NTRK2: variants seen among roughly 807,000 people sequenced by gnomAD.
The protein encoded by NTRK2 is BDNF/NT-3 growth factors receptor.
A neutral mutation model predicts 94.5 loss-of-function variants in NTRK2; 13 were observed. The observed-to-expected ratio is 0.14, with a 90% confidence interval of 0.09 to 0.22. NTRK2 has a LOEUF of 0.22. Ranked by LOEUF, NTRK2 falls within the 10% of genes least tolerant of loss-of-function variation. NTRK2 has a pLI of 1.00. For missense variants in NTRK2, 639 were observed against 1,071.2 expected (o/e 0.60, Z 5.63); for synonymous variants, 372 against 407.4 (o/e 0.91, Z 1.05).
At chr9:84,842,468 C>T (rs1371966618) in intron 12 of NTRK2, among the ~76,000 whole-genome samples, 1 of 152,192 alleles carries the variant, frequency 6.6e-6, no homozygotes, top group African/African-American at 2.4e-5. Context: ...TACTGATCTG[C>T]TTCAGGATTT....
intron 12 of NTRK2, among the ~76,000 whole-genome samples, chr9:84,845,400 G>A (rs2074418648): frequency 6.6e-6 from 1 of 152,088 alleles, no homozygotes; most frequent in Non-Finnish European, 1.5e-5. Flanking sequence ...TTCTTGGGTT[G>A]AATAAACCCA....
At chr9:84,981,678 T>A (rs1827643556) in intron 17 of NTRK2, among the ~76,000 whole-genome samples, 1 of 152,216 alleles carries the variant, frequency 6.6e-6, no homozygotes, top group African/African-American at 2.4e-5. Context: ...CCCCATTAAG[T>A]GGAAGAATTG....
At chr9:85,007,227 C>T (rs1588170681) in intron 17 of NTRK2, among the ~76,000 whole-genome samples, 1 of 152,312 alleles carries the variant, frequency 6.6e-6, no homozygotes, top group Non-Finnish European at 1.5e-5. Context: ...AAGTTAAGTC[C>T]TGTTGGACAA....
chr9:84,821,427 C>T (rs548029286), intron 12 of NTRK2, among the ~76,000 whole-genome samples: 1 of 152,236 alleles, frequency 6.6e-6, no homozygotes, highest in South Asian at 2.1e-4. Flanking sequence ...CACCATTTAC[C>T]ATTATCACCT....
chr9:84,870,102 TATATATATATATATATATA>T (rs1437564292), intron 14 of NTRK2, among the ~76,000 whole-genome samples: 2 of 73,934 alleles, frequency 2.7e-5, no homozygotes, highest in Admixed American at 1.6e-4. Flanking sequence ...ATTGACTATA[TATATATATATATATATATA>T]TATATACACA....
chr9:85,021,585 G>C lies in NTRK2; in HGVS notation c.*148G>C, dbSNP rs1588211093. On this transcript the variant is annotated 3_prime_UTR_variant, in exon 19 of 19. Coordinates refer to ENST00000277120, the MANE Select transcript of NTRK2 (RefSeq NM_006180.6). The stretch of plus-strand genomic sequence containing the variant: ...CAAAGACTCCGAGAAGCTCTCGAGG[G>C]AAGCAGTGTGTACTTCTTCATCCAT... 2 of 775,092 alleles carry C rather than the reference G, an allele frequency of 2.6e-6. No individual in the cohort carries two copies. The highest frequency in any genetic ancestry group is 2.9e-5 in the South Asian group (2 of 68,382). The allele number at this position is 775,092 out of a possible 1,614,324, so 48.0% of individuals were successfully genotyped here.
rs553296895 is a variant in NTRK2, at chr9:84,775,590, G to T, written c.1396+23505G>T. Among the ~76,000 whole-genome samples, 11 of 152,170 alleles carry T rather than the reference G, an allele frequency of 7.2e-5. No individual in the cohort carries two copies. The East Asian group carries it at 1.9e-3, about 27-fold the overall frequency. The stretch of plus-strand genomic sequence containing the variant: ...GAATGTGTATATAATTTGGAATCAA[G>T]ACAAATTTATAATCAATATTGATAT... On this transcript the variant is annotated intron_variant, in intron 12 of 18. Coordinates refer to ENST00000277120, the MANE Select transcript of NTRK2 (RefSeq NM_006180.6).
chr9:84,907,286 A>G (rs2077099966), intron 14 of NTRK2, among the ~76,000 whole-genome samples: 1 of 152,192 alleles, frequency 6.6e-6, no homozygotes, highest in Admixed American at 6.5e-5. Context: ...CCAGTAAGAG[A>G]GTCTTCACCT....
chr9:84,982,540 C>T (rs1309858128), intron 17 of NTRK2, among the ~76,000 whole-genome samples: 1 of 152,228 alleles, frequency 6.6e-6, no homozygotes, highest in Non-Finnish European at 1.5e-5. Flanking sequence ...ATGCCAACTA[C>T]ATCATCACAA....
At chr9:84,819,882 G>T (rs1046430581) in intron 12 of NTRK2, among the ~76,000 whole-genome samples, 1 of 152,136 alleles carries the variant, frequency 6.6e-6, no homozygotes, top group Admixed American at 6.5e-5. Flanking sequence ...GCATCTCTCT[G>T]TGTGGCCCTA....
chr9:84,788,881 A>T (rs940729042), intron 12 of NTRK2, among the ~76,000 whole-genome samples: 3 of 152,190 alleles, frequency 2.0e-5, no homozygotes, highest in Non-Finnish European at 2.9e-5. Flanking sequence ...GAATTAGAAC[A>T]CAGCCCACAC....
intron 14 of NTRK2, among the ~76,000 whole-genome samples, chr9:84,868,189 TGAATAA>T (rs1316244049): frequency 2.6e-5 from 4 of 152,078 alleles, no homozygotes; most frequent in African/African-American, 4.8e-5. Flanking sequence ...CCTTCATATG[TGAATAA>T]GGGGCCGTGA....
At chr9:84,686,243 C>T (rs921086936) in intron 2 of NTRK2, among the ~76,000 whole-genome samples, 2 of 152,114 alleles carry the variant, frequency 1.3e-5, no homozygotes, top group Non-Finnish European at 1.5e-5. Flanking sequence ...GGAAAAAAGG[C>T]AAAGCCTTGA....
chr9:84,789,627 CA>C (rs1564280459), intron 12 of NTRK2, among the ~76,000 whole-genome samples: 1 of 152,154 alleles, frequency 6.6e-6, no homozygotes, highest in African/African-American at 2.4e-5. Flanking sequence ...GAGTAAATAG[CA>C]GACCTAAATC....
At chr9:84,819,038 C>T (rs550501440) in intron 12 of NTRK2, among the ~76,000 whole-genome samples, 20 of 152,288 alleles carry the variant, frequency 1.3e-4, no homozygotes, top group East Asian at 1.2e-3. Flanking sequence ...CCATCTCACA[C>T]GCTACAAGAC....
At chr9:84,906,997 T>G (rs2077093034) in intron 14 of NTRK2, among the ~76,000 whole-genome samples, 1 of 152,214 alleles carries the variant, frequency 6.6e-6, no homozygotes, top group Non-Finnish European at 1.5e-5. Context: ...TTCAAAAGAA[T>G]CTACTATGCT....
At chr9:84,963,117 G>A (rs1007519890) in intron 17 of NTRK2, among the ~76,000 whole-genome samples, 22 of 152,222 alleles carry the variant, frequency 1.4e-4, no homozygotes, top group African/African-American at 4.6e-4. Context: ...ATCCGAGGAG[G>A]AAGGCCAGGT....
chr9:84,922,910 C>A (rs2077614500), intron 14 of NTRK2, among the ~76,000 whole-genome samples: 1 of 152,142 alleles, frequency 6.6e-6, no homozygotes, highest in South Asian at 2.1e-4. Context: ...ATTAACACTA[C>A]CTTTTAAAAT....
At chr9:84,876,642 T>C in intron 14 of NTRK2, 1 of 1,059,196 alleles carries the variant, frequency 9.4e-7, no homozygotes, top group Non-Finnish European at 1.1e-6. Context: ...CCACATGATT[T>C]TTCCATCCTC....
Sources: allele counts gnomAD v4.1 joint callset (sites outside exome capture counted in the v4.1 genomes callset), GRCh38; gene constraint gnomAD v4.1.1; transcripts MANE v1.5; gene names NCBI Gene and HGNC (gene_info 2026-07-23, HGNC 2026-07-21).